Variants in PTPRT observed in about 807,000 individuals in gnomAD.
The protein encoded by PTPRT is protein tyrosine phosphatase receptor type T.
A neutral mutation model predicts 176.8 loss-of-function variants in PTPRT; 56 were observed. The observed-to-expected ratio is 0.32, with a 90% CI of 0.26 to 0.40. PTPRT has a LOEUF of 0.40. PTPRT is among the 10% of genes least tolerant of loss of function. The pLI, the probability that PTPRT is intolerant of heterozygous loss-of-function variation, is 1.00. For missense variants in PTPRT, 1,540 were observed against 1,908.2 expected (o/e 0.81, Z 3.60); for synonymous variants, 783 against 739.0 (o/e 1.06, Z -0.96).
the PTPRT span, among the ~76,000 whole-genome samples, chr20:42,051,384 A>G: frequency 9.2e-5 from 14 of 152,318 alleles, no homozygotes; most frequent in South Asian, 2.9e-3. Context: ...GACCCCAGGA[A>G]GCTCTACAGA....
chr20:42,045,776 G>C, the PTPRT span, among the ~76,000 whole-genome samples: 1 of 152,094 alleles, frequency 6.6e-6, no homozygotes, highest in African/African-American at 2.4e-5. Context: ...GAACAACTGA[G>C]GCCAAGTCTC....
At chr20:42,463,406 T>C (rs535081725) in intron 8 of PTPRT, among the ~76,000 whole-genome samples, 19 of 152,250 alleles carry the variant, frequency 1.2e-4, no homozygotes, top group African/African-American at 4.6e-4. Context: ...AATTTCATTC[T>C]CTTAAAAAAA....
chr20:42,253,227 G>A (rs1003309150), intron 13 of PTPRT, among the ~76,000 whole-genome samples: 3 of 152,286 alleles, frequency 2.0e-5, no homozygotes, highest in African/African-American at 4.8e-5. Flanking sequence ...GACCTGTGAT[G>A]GGAGTCATAA....
intron 1 of PTPRT, among the ~76,000 whole-genome samples, chr20:42,989,038 T>C (rs1466937048): frequency 6.6e-6 from 1 of 152,150 alleles, no homozygotes. Flanking sequence ...TGACAGAGAG[T>C]AAGCACTCAA....
chr20:42,932,428 T>G (rs1411612388), intron 1 of PTPRT, among the ~76,000 whole-genome samples: 1 of 152,172 alleles, frequency 6.6e-6, no homozygotes, highest in East Asian at 1.9e-4. Context: ...GACAGAGAAC[T>G]AAGCTGCAGC....
Position 42,746,359 on chromosome 20 carries a change from G to C in PTPRT, c.859+10103C>G, listed in dbSNP as rs540538686. ...GGTGACGTTATCAAAGAGTGAAGGA[G>C]TCAGAGGCTAAGGGTGGGGAACCGG... On this transcript the variant is annotated intron_variant, in intron 6 of 30. Coordinates refer to ENST00000373187, the MANE Select transcript of PTPRT (RefSeq NM_007050.6). Among the ~76,000 whole-genome samples, 3 of 152,312 alleles carry C rather than the reference G, an allele frequency of 2.0e-5. No homozygotes were observed. The East Asian group carries it at 5.8e-4, about 29-fold the overall frequency.
At chr20:42,604,507 T>C (rs2073838269) in intron 7 of PTPRT, among the ~76,000 whole-genome samples, 2 of 150,036 alleles carry the variant, frequency 1.3e-5, no homozygotes, top group Non-Finnish European at 2.9e-5. Context: ...GTAGCAGATT[T>C]AGTTCTCTTT....
chr20:42,554,926 G>C (rs35399513), intron 7 of PTPRT, among the ~76,000 whole-genome samples: 37,371 of 152,046 alleles, frequency 0.25, 5,348 homozygotes, highest in African/African-American at 0.39. Flanking sequence ...AAAAAGAAAA[G>C]CTAAGTCAAC....
chr20:42,770,301 A>G (rs1370168880), intron 5 of PTPRT, among the ~76,000 whole-genome samples: 1 of 152,096 alleles, frequency 6.6e-6, no homozygotes, highest in Non-Finnish European at 1.5e-5. Flanking sequence ...TTTTCTATAG[A>G]AATAATTATT....
chr20:42,633,942 TATA>T (rs1489179595), intron 7 of PTPRT, among the ~76,000 whole-genome samples: 3 of 49,450 alleles, frequency 6.1e-5, no homozygotes, highest in African/African-American at 2.3e-4. Context: ...AATAATATAA[TATA>T]ATATATAATT....
At chr20:42,530,780 TACTTGTGCATCCAGGAGCCCTACTTCTG>T (rs2072368879) in intron 7 of PTPRT, among the ~76,000 whole-genome samples, 1 of 152,218 alleles carries the variant, frequency 6.6e-6, no homozygotes, top group African/African-American at 2.4e-5. Flanking sequence ...AGCTTTGCAG[TACTTGTGCATCCAGGAGCCCTACTTCTG>T]ACTTGGTGGG....
intron 7 of PTPRT, among the ~76,000 whole-genome samples, chr20:42,619,016 A>G (rs1201464121): frequency 2.0e-5 from 3 of 151,344 alleles, no homozygotes; most frequent in Non-Finnish European, 2.9e-5. Context: ...TCGTAAGTTG[A>G]TGCAGTTTCT....
intron 7 of PTPRT, among the ~76,000 whole-genome samples, chr20:42,591,814 A>T (rs1255259284): frequency 6.6e-6 from 1 of 152,106 alleles, no homozygotes; most frequent in Non-Finnish European, 1.5e-5. Flanking sequence ...TCAGTACAGT[A>T]AAATGGGCAC....
chr20:42,833,272 G>GA (rs5841475), intron 2 of PTPRT, among the ~76,000 whole-genome samples: 15,715 of 134,552 alleles, frequency 0.12, 1,037 homozygotes, highest in East Asian at 0.35. Context: ...GAAATTAAAA[G>GA]AAAAAAAAAA....
chr20:42,243,397 A>G (rs1295656351), intron 14 of PTPRT, among the ~76,000 whole-genome samples: 1 of 152,190 alleles, frequency 6.6e-6, no homozygotes, highest in Non-Finnish European at 1.5e-5. Context: ...GAAGACTAGC[A>G]TGTATGGCAC....
intron 23 of PTPRT, among the ~76,000 whole-genome samples, chr20:42,108,938 AT>A (rs2146282485): frequency 6.6e-6 from 1 of 152,216 alleles, no homozygotes; most frequent in South Asian, 2.1e-4. Context: ...AACATTTGCC[AT>A]TGTCTTTCTT....
At chr20:42,231,767 T>C (rs1172300815) in intron 15 of PTPRT, among the ~76,000 whole-genome samples, 7 of 152,182 alleles carry the variant, frequency 4.6e-5, no homozygotes, top group Admixed American at 4.6e-4. Flanking sequence ...TATGACTTCA[T>C]GCTACAACAT....
At chr20:43,055,606 T>C (rs1341730709) in intron 1 of PTPRT, among the ~76,000 whole-genome samples, 1 of 152,302 alleles carries the variant, frequency 6.6e-6, no homozygotes, top group African/African-American at 2.4e-5. Context: ...GCACAAAGAA[T>C]AGACAGTTGA....
intron 7 of PTPRT, among the ~76,000 whole-genome samples, chr20:42,579,951 T>C (rs183800724): frequency 0.015 from 2,331 of 152,328 alleles, 66 homozygotes; most frequent in African/African-American, 0.054. Context: ...CCGTTGCTTT[T>C]GGTGTTTTAG....
Sources: gnomAD v4.1 joint callset for allele counts (sites outside exome capture counted in the v4.1 genomes callset) on GRCh38, gnomAD v4.1.1 for gene constraint, MANE v1.5 for transcripts, NCBI Gene and HGNC (gene_info 2026-07-23, HGNC 2026-07-21) for gene names.